PAK1: variants seen among roughly 807,000 people sequenced by gnomAD.
PAK1 encodes the protein serine/threonine-protein kinase PAK 1.
In PAK1, 29 loss-of-function variants were observed where a neutral mutation model predicts 67.4. That is an observed-to-expected ratio of 0.43 (90% CI 0.32 to 0.59). PAK1 has a LOEUF of 0.59. Among genes scored for constraint, PAK1 ranks in the 20% least tolerant of loss-of-function variants. The pLI, the probability that PAK1 is intolerant of heterozygous loss-of-function variation, is 0.07. For missense variants in PAK1, 337 were observed against 670.7 expected (o/e 0.50, Z 5.50); for synonymous variants, 223 against 237.4 (o/e 0.94, Z 0.56).
intron 2 of PAK1, among the ~76,000 whole-genome samples, chr11:77,384,457 T>A (rs523481): frequency 1.3e-5 from 2 of 152,054 alleles, no homozygotes; most frequent in Admixed American, 1.3e-4. Flanking sequence ...AACTTGTATG[T>A]GAATGTTCAC....
intron 1 of PAK1, among the ~76,000 whole-genome samples, chr11:77,412,706 G>A (rs1392303258): frequency 6.6e-6 from 1 of 152,128 alleles, no homozygotes; most frequent in African/African-American, 2.4e-5. Context: ...TTACAGGCAT[G>A]AGCCACCACA....
chr11:77,323,843 T>G (rs1279168274), intron 14 of PAK1, among the ~76,000 whole-genome samples: 1 of 152,238 alleles, frequency 6.6e-6, no homozygotes, highest in Admixed American at 6.5e-5. Flanking sequence ...AAGTTCATAT[T>G]GTATTATTCC....
intron 8 of PAK1, among the ~76,000 whole-genome samples, chr11:77,352,791 C>T (rs991269474): frequency 6.6e-6 from 1 of 152,118 alleles, no homozygotes; most frequent in African/African-American, 2.4e-5. Context: ...ACATGCTGTA[C>T]AGGCTTGTAG....
At chr11:77,529,179 T>C in the PAK1 span, among the ~76,000 whole-genome samples, 2,418 of 152,352 alleles carry the variant, frequency 0.016, 59 homozygotes, top group African/African-American at 0.055. Context: ...TTATGACCTA[T>C]TGTGTATTTA....
At position 77,458,687 on chromosome 11, in the gene PAK1, T is replaced by C. The variant is rs149376938; in HGVS notation, c.-22+14865A>G. 3.3e-3 allele frequency among the ~76,000 whole-genome samples: 495 copies of C among 152,254 alleles called. 2 individuals are homozygous for C. The highest frequency in any genetic ancestry group is 0.012 in the African/African-American group (478 of 41,556). On this transcript the variant is annotated intron_variant, in intron 1 of 14. Coordinates refer to ENST00000356341, the MANE Select transcript of PAK1 (RefSeq NM_002576.5). Reference sequence around the variant, plus strand: ...CTTACTGGTGAGCAGGGAGGAATGTTTGAGTGGGGGCTAATTTTATAAGTC... The same window carrying C: ...CTTACTGGTGAGCAGGGAGGAATGTCTGAGTGGGGGCTAATTTTATAAGTC...
chr11:77,369,444 CTTTTTTTTT>C (rs147630042), intron 5 of PAK1, among the ~76,000 whole-genome samples: 1 of 86,736 alleles, frequency 1.2e-5, no homozygotes, highest in South Asian at 4.0e-4. Context: ...TTATACATTT[CTTTTTTTTT>C]TTTTTTTTTT....
intron 9 of PAK1, among the ~76,000 whole-genome samples, 192 bp downstream of exon 9, chr11:77,349,047 C>G (rs2725813): frequency 6.6e-6 from 1 of 151,158 alleles, no homozygotes; most frequent in Non-Finnish European, 1.5e-5. Flanking sequence ...ACTGCTTGAA[C>G]CTAGTAGGCG....
intron 1 of PAK1, chr11:77,455,911 A>T (rs768488760): frequency 6.6e-6 from 1 of 152,200 alleles, no homozygotes; most frequent in African/African-American, 2.4e-5. Flanking sequence ...CAGGAGACTG[A>T]GCTCTGAAGA....
At chr11:77,376,067 A>G (rs1365234742) in intron 4 of PAK1, among the ~76,000 whole-genome samples, 1 of 152,218 alleles carries the variant, frequency 6.6e-6, no homozygotes, top group African/African-American at 2.4e-5. Context: ...TTCTTGTCCA[A>G]AAGACTATAG....
At chr11:77,329,723 C>A (rs1235496205) in intron 14 of PAK1, among the ~76,000 whole-genome samples, 2 of 151,892 alleles carry the variant, frequency 1.3e-5, no homozygotes, top group African/African-American at 4.8e-5. Context: ...AAAACTGGCA[C>A]AAGACAGGGA....
chr11:77,503,684 G>T, the PAK1 span, among the ~76,000 whole-genome samples: 13 of 152,098 alleles, frequency 8.5e-5, no homozygotes, highest in Non-Finnish European at 1.9e-4. Flanking sequence ...CCAACAAAAT[G>T]AGATTCCACC....
At chr11:77,346,540 A>G (rs980180808) in intron 9 of PAK1, among the ~76,000 whole-genome samples, 10 of 152,192 alleles carry the variant, frequency 6.6e-5, no homozygotes, top group African/African-American at 1.9e-4. Flanking sequence ...AAGTGAGACA[A>G]TGGCCAATGC....
At chr11:77,449,130 A>C (rs1456997169) in intron 1 of PAK1, among the ~76,000 whole-genome samples, 1 of 152,236 alleles carries the variant, frequency 6.6e-6, no homozygotes, top group Non-Finnish European at 1.5e-5. Flanking sequence ...TAAGAACCCC[A>C]GGCTTTCTCT....
chr11:77,359,558 G>A (rs1235429331), intron 5 of PAK1, among the ~76,000 whole-genome samples: 2 of 152,038 alleles, frequency 1.3e-5, no homozygotes, highest in Admixed American at 1.3e-4. Context: ...ACCTCAACCT[G>A]AAGATAAAGA....
the PAK1 span, among the ~76,000 whole-genome samples, chr11:77,518,325 T>A: frequency 6.6e-6 from 1 of 152,140 alleles, no homozygotes; most frequent in Non-Finnish European, 1.5e-5. Context: ...AGAAGTCAAA[T>A]CTAATGGGAA....
chr11:77,493,273 T>TTG, the PAK1 span, among the ~76,000 whole-genome samples: 1 of 90,430 alleles, frequency 1.1e-5, no homozygotes, highest in African/African-American at 6.0e-5. Context: ...CATTTTTTTG[T>TTG]TGTTTTTTTT....
chr11:77,394,926 CCT>C (rs1386216697), intron 1 of PAK1, among the ~76,000 whole-genome samples: 9 of 152,072 alleles, frequency 5.9e-5, no homozygotes, highest in Admixed American at 5.2e-4. Context: ...TTTTAGAGGC[CCT>C]CTGTTATTTG....
At chr11:77,491,110 C>T in the PAK1 span, among the ~76,000 whole-genome samples, 1 of 145,522 alleles carries the variant, frequency 6.9e-6, no homozygotes, top group African/African-American at 2.6e-5. Flanking sequence ...GTGAGAAACA[C>T]CCAAGAATGA....
chr11:77,394,024 G>C (rs1415622523), intron 1 of PAK1, among the ~76,000 whole-genome samples: 2 of 151,956 alleles, frequency 1.3e-5, no homozygotes, highest in Non-Finnish European at 2.9e-5. Flanking sequence ...AGATGGGGGG[G>C]ATTTCCTATC....
Sources: gnomAD v4.1 joint callset for allele counts (sites outside exome capture counted in the v4.1 genomes callset) on GRCh38, gnomAD v4.1.1 for gene constraint, MANE v1.5 for transcripts, NCBI Gene and HGNC (gene_info 2026-07-23, HGNC 2026-07-21) for gene names.